Variants in SH3D19 observed in about 807,000 individuals in gnomAD.
The protein encoded by SH3D19 is SH3 domain-containing protein 19.
In SH3D19, 58 loss-of-function variants were observed where a neutral mutation model predicts 112.1. The observed-to-expected ratio is 0.52, with a 90% confidence interval of 0.42 to 0.64. SH3D19 has a LOEUF of 0.64. Ranked by LOEUF, SH3D19 falls within the 30% of genes least tolerant of loss-of-function variation. The pLI, the probability that SH3D19 is intolerant of heterozygous loss-of-function variation, is 0.00. For synonymous variants in SH3D19, 391 were observed against 448.5 expected (o/e 0.87, Z 1.62); for missense variants, 1,090 against 1,263.4 (o/e 0.86, Z 2.08).
rs975314657 is a variant in SH3D19, at chr4:151,121,887, A to C, written c.*204T>G. ...GTTTTCCTCGGTAGAATCCTAGCTC[A>C]TGGGTTTCCATGTGCATGTTTCTAT... On this transcript the variant is annotated 3_prime_UTR_variant, in exon 20 of 20. Coordinates refer to ENST00000604030, the MANE Select transcript of SH3D19 (RefSeq NM_001378122.1). 1.6e-5 allele frequency: 7 copies of C among 441,314 alleles called. No homozygotes were observed. The highest frequency in any genetic ancestry group is 2.4e-5 in the Non-Finnish European group (6 of 249,856). The allele number at this position is 441,314 out of a possible 1,614,324, so 27.3% of individuals were successfully genotyped here.
chr4:151,248,553 C>A (rs1771120302), intron 1 of SH3D19, among the ~76,000 whole-genome samples: 1 of 152,136 alleles, frequency 6.6e-6, no homozygotes, highest in Non-Finnish European at 1.5e-5. Flanking sequence ...AATATTTTTA[C>A]ATGTTCAAAC....
chr4:151,312,945 C>G (rs953812877), intron 1 of SH3D19, among the ~76,000 whole-genome samples: 2 of 150,658 alleles, frequency 1.3e-5, no homozygotes, highest in African/African-American at 2.4e-5. Context: ...ATAAATTAGC[C>G]GGGTGTGGTG....
At chr4:151,228,679 G>A (rs540247898) in intron 1 of SH3D19, among the ~76,000 whole-genome samples, 7 of 152,214 alleles carry the variant, frequency 4.6e-5, no homozygotes, top group Non-Finnish European at 5.9e-5. Context: ...CACTGAGGGT[G>A]GATTCAGAAT....
At chr4:151,283,089 AAT>A in intron 1 of SH3D19, 1 of 1,609,612 alleles carries the variant, frequency 6.2e-7, no homozygotes, top group Non-Finnish European at 8.5e-7. Context: ...AGGTTGCTTT[AAT>A]CTTTTGTTCC....
At position 151,249,624 on chromosome 4, in the gene SH3D19, G is replaced by T. The variant is rs116369027; in HGVS notation, c.113-23538C>A. Among the ~76,000 whole-genome samples, 285 of 151,930 alleles carry T rather than the reference G, an allele frequency of 1.9e-3. 2 individuals carry two copies. Among genetic ancestry groups the T allele is most frequent in the African/African-American group, 6.5e-3 (269 of 41,462 alleles). ...AAATCTGAAACCAGTATCTCATAAG[G>T]GTTTAGCACAAAATTTGCAATTTTT... On this transcript the variant is annotated intron_variant, in intron 1 of 19. Coordinates refer to ENST00000604030, the MANE Select transcript of SH3D19 (RefSeq NM_001378122.1).
chr4:151,251,071 C>T (rs1393371540), intron 1 of SH3D19, among the ~76,000 whole-genome samples: 1 of 152,198 alleles, frequency 6.6e-6, no homozygotes, highest in Non-Finnish European at 1.5e-5. Context: ...GATTTTTCAC[C>T]AGACCTTAGG....
chr4:151,181,656 T>C (rs984921495), intron 3 of SH3D19: 1 of 152,154 alleles, frequency 6.6e-6, no homozygotes, highest in Non-Finnish European at 1.5e-5. Flanking sequence ...GATAACACTT[T>C]TAAAAGACTT....
At chr4:151,180,115 C>T (rs1218582269) in intron 3 of SH3D19, among the ~76,000 whole-genome samples, 11 of 152,112 alleles carry the variant, frequency 7.2e-5, no homozygotes, top group African/African-American at 1.9e-4. Context: ...TGGGTTCAAG[C>T]GATCCTCCTG....
intron 1 of SH3D19, among the ~76,000 whole-genome samples, chr4:151,313,038 G>A (rs368513985): frequency 1.8e-4 from 27 of 150,030 alleles, no homozygotes; most frequent in African/African-American, 6.1e-4. Flanking sequence ...GCACTGAGCC[G>A]GGATCATGTC....
chr4:151,197,523 GTGCA>G (rs1763653949), intron 2 of SH3D19, among the ~76,000 whole-genome samples: 1 of 152,212 alleles, frequency 6.6e-6, no homozygotes, highest in African/African-American at 2.4e-5. Context: ...AAGGGGGTGT[GTGCA>G]TGCACGTGAC....
At chr4:151,251,298 A>G (rs1445696996) in intron 1 of SH3D19, among the ~76,000 whole-genome samples, 1 of 150,976 alleles carries the variant, frequency 6.6e-6, no homozygotes, top group African/African-American at 2.4e-5. Flanking sequence ...TCCAGGGTTC[A>G]AGGGATTCTC....
At chr4:151,180,194 A>G (rs1760634868) in intron 3 of SH3D19, among the ~76,000 whole-genome samples, 1 of 152,046 alleles carries the variant, frequency 6.6e-6, no homozygotes, top group African/African-American at 2.4e-5. Context: ...TACTTAAACT[A>G]AGATATAATA....
chr4:151,263,451 C>A (rs545613915), intron 1 of SH3D19, among the ~76,000 whole-genome samples: 1 of 152,128 alleles, frequency 6.6e-6, no homozygotes, highest in African/African-American at 2.4e-5. Context: ...GGAGGAGCCC[C>A]GGCAGTATAT....
chr4:151,282,383 A>C (rs934425577), intron 1 of SH3D19: 1 of 1,613,878 alleles, frequency 6.2e-7, no homozygotes, highest in Non-Finnish European at 8.5e-7. Flanking sequence ...TTGTTGGGTG[A>C]CCGGATGGGG....
At chr4:151,305,224 AAAGAAAT>A (rs1445920221) in intron 1 of SH3D19, among the ~76,000 whole-genome samples, 3 of 152,218 alleles carry the variant, frequency 2.0e-5, no homozygotes, top group Non-Finnish European at 4.4e-5. Context: ...CAAGGTATGC[AAAGAAAT>A]AAGAAATATG....
chr4:151,158,452 A>G (rs1468979875), intron 9 of SH3D19, among the ~76,000 whole-genome samples: 1 of 152,046 alleles, frequency 6.6e-6, no homozygotes, highest in Non-Finnish European at 1.5e-5. Context: ...GGCACACGAC[A>G]CCACGTCCGG....
rs1747839434 is a variant in SH3D19, at chr4:151,120,585, T to C, written c.*1506A>G. On this transcript the variant is annotated 3_prime_UTR_variant, in exon 20 of 20. Coordinates refer to ENST00000604030, the MANE Select transcript of SH3D19 (RefSeq NM_001378122.1). The stretch of plus-strand genomic sequence containing the variant: ...AGTGAAATTTGACAAGAATTTTCTT[T>C]ATACTCTCTTCTTTACCAAAACGTA... 6.6e-6 allele frequency: 1 copy of C among 152,252 alleles called. No homozygotes were observed. The highest frequency in any genetic ancestry group is 2.1e-4 in the South Asian group (1 of 4,832). 9.4% of individuals were successfully genotyped at this position (152,252 alleles called of 1,614,324 possible).
chr4:151,188,387 G>A lies in SH3D19; in HGVS notation c.153-924C>T, dbSNP rs75112753. 5.0e-3 allele frequency among the ~76,000 whole-genome samples: 767 copies of A among 152,140 alleles called. 10 individuals carry two copies. Among genetic ancestry groups the A allele is most frequent in the African/African-American group, 0.018 (727 of 41,496 alleles). ...AAAAGAATTAATATAAGGTAGAGGC[G>A]GAATGTCCCTCATCCAAAATGCCTG... On this transcript the variant is annotated intron_variant, in intron 2 of 19. Transcript: ENST00000604030.
intron 1 of SH3D19, among the ~76,000 whole-genome samples, chr4:151,244,938 T>TTC (rs1351893370): frequency 1.6e-4 from 24 of 152,004 alleles, no homozygotes. Flanking sequence ...GGTCAGGAGA[T>TTC]AAGAGACCAT....
Sources: allele counts gnomAD v4.1 joint callset (sites outside exome capture counted in the v4.1 genomes callset), GRCh38; gene constraint gnomAD v4.1.1; transcripts MANE v1.5; gene names NCBI Gene and HGNC (gene_info 2026-07-23, HGNC 2026-07-21).